Variants in SLC35F4 observed in about 807,000 individuals in gnomAD.
The protein encoded by SLC35F4 is chromosome 14 open reading frame 36.
A neutral mutation model predicts 44.2 loss-of-function variants in SLC35F4; 24 were observed. That is an observed-to-expected ratio of 0.54 (90% confidence interval 0.39 to 0.76). The LOEUF (loss-of-function observed/expected upper bound fraction) is 0.76, where lower values mean the gene tolerates loss of function less well. SLC35F4 is among the 30% of genes least tolerant of loss of function. SLC35F4 has a pLI of 0.00. For missense variants in SLC35F4, 562 were observed against 586.1 expected, an observed-to-expected ratio of 0.96 and a Z score of 0.42; for synonymous variants, 238 against 223.6, an observed-to-expected ratio of 1.06 and a Z score of -0.57.
intron 1 of SLC35F4, chr14:57,596,561 T>G: frequency 2.6e-6 from 1 of 378,096 alleles, no homozygotes; most frequent in Non-Finnish European, 5.2e-6. Context: ...AGGGTAATAT[T>G]GGGTTTCATT....
chr14:57,683,857 A>C (rs756255484), intron 1 of SLC35F4, among the ~76,000 whole-genome samples: 1 of 151,768 alleles, frequency 6.6e-6, no homozygotes, highest in Non-Finnish European at 1.5e-5. Flanking sequence ...CCCAAGCCCA[A>C]CTCCTCTGGG....
chr14:57,839,597 C>T (rs1737976330), intron 1 of SLC35F4, among the ~76,000 whole-genome samples: 1 of 151,956 alleles, frequency 6.6e-6, no homozygotes, highest in South Asian at 2.1e-4. Flanking sequence ...GGGGCCTTTT[C>T]AGGGAGGCGG....
chr14:57,662,086 C>T (rs935177245), intron 1 of SLC35F4, among the ~76,000 whole-genome samples: 5 of 152,274 alleles, frequency 3.3e-5, no homozygotes, highest in Non-Finnish European at 7.4e-5. Context: ...ACTGTGTTTC[C>T]GGATTTTGCT....
At chr14:57,605,939 G>A (rs114114323) in intron 1 of SLC35F4, among the ~76,000 whole-genome samples, 14 of 152,056 alleles carry the variant, frequency 9.2e-5, no homozygotes, top group Non-Finnish European at 8.8e-5. Flanking sequence ...AAATGGGAAC[G>A]ATAAACACTG....
intron 1 of SLC35F4, among the ~76,000 whole-genome samples, chr14:57,909,290 A>G (rs1175433967): frequency 6.6e-6 from 1 of 152,146 alleles, no homozygotes; most frequent in Non-Finnish European, 1.5e-5. Context: ...ATATTTTTAT[A>G]CAAAATCCAT....
chr14:57,776,472 CT>C (rs2077489992), intron 1 of SLC35F4, among the ~76,000 whole-genome samples: 1 of 152,036 alleles, frequency 6.6e-6, no homozygotes, highest in African/African-American at 2.4e-5. Context: ...CAAGACCATC[CT>C]GGTTAACATG....
chr14:57,918,696 C>T (rs1447959940), intron 1 of SLC35F4, among the ~76,000 whole-genome samples: 1 of 152,158 alleles, frequency 6.6e-6, no homozygotes, highest in Non-Finnish European at 1.5e-5. Context: ...GAATTGGGAC[C>T]TTGACCCACA....
At chr14:57,714,632 C>G (rs555064682) in intron 1 of SLC35F4, among the ~76,000 whole-genome samples, 1 of 152,052 alleles carries the variant, frequency 6.6e-6, no homozygotes, top group African/African-American at 2.4e-5. Flanking sequence ...ACTCATTCAG[C>G]AAATACCTAC....
intron 1 of SLC35F4, among the ~76,000 whole-genome samples, chr14:57,830,653 C>G (rs1445886846): frequency 6.6e-6 from 1 of 152,156 alleles, no homozygotes; most frequent in Non-Finnish European, 1.5e-5. Context: ...TGGCTCTGCT[C>G]AGATCTCAGT....
chr14:57,832,703 T>G (rs905369391), intron 1 of SLC35F4, among the ~76,000 whole-genome samples: 1 of 152,206 alleles, frequency 6.6e-6, no homozygotes, highest in African/African-American at 2.4e-5. Context: ...CCAACTCCAA[T>G]TTTTGCATGT....
At chr14:57,591,826 G>A (rs1281208325) in intron 2 of SLC35F4, among the ~76,000 whole-genome samples, 1 of 152,214 alleles carries the variant, frequency 6.6e-6, no homozygotes, top group Non-Finnish European at 1.5e-5. Context: ...ATGATTCCCA[G>A]GGACTACCTT....
chr14:57,759,216 T>A (rs1033935468), intron 1 of SLC35F4, among the ~76,000 whole-genome samples: 1 of 152,190 alleles, frequency 6.6e-6, no homozygotes, highest in African/African-American at 2.4e-5. Context: ...TTCTTTGATA[T>A]CCTTATTTCA....
intron 1 of SLC35F4, among the ~76,000 whole-genome samples, chr14:57,764,702 T>A (rs1432891249): frequency 6.6e-6 from 1 of 152,208 alleles, no homozygotes; most frequent in African/African-American, 2.4e-5. Flanking sequence ...GAATTGTATG[T>A]GTGTGTAGCA....
At chr14:57,669,419 A>G (rs1357639904) in intron 1 of SLC35F4, among the ~76,000 whole-genome samples, 1 of 152,052 alleles carries the variant, frequency 6.6e-6, no homozygotes, top group Non-Finnish European at 1.5e-5. Flanking sequence ...AGTTTTGAAA[A>G]GGAATGCTTC....
chr14:57,787,971 C>A (rs2077810283), intron 1 of SLC35F4, among the ~76,000 whole-genome samples: 1 of 152,090 alleles, frequency 6.6e-6, no homozygotes, highest in Admixed American at 6.5e-5. Context: ...TTAAAAGATA[C>A]AGAACTGCAG....
At chr14:57,870,252 CTCTCTG>C (rs202143058), upstream of SLC35F4, among the ~76,000 whole-genome samples, 5,275 of 151,734 alleles carry the variant, frequency 0.035, 316 homozygotes, top group African/African-American at 0.12. Context: ...CTGTATGTTT[CTCTCTG>C]TCTCTGTCTT....
At chr14:57,578,439 T>A (rs1465451100) in intron 4 of SLC35F4, among the ~76,000 whole-genome samples, 1 of 148,608 alleles carries the variant, frequency 6.7e-6, no homozygotes, top group Non-Finnish European at 1.5e-5. Flanking sequence ...AGAGCTACAT[T>A]TATGTTGTCA....
At chr14:57,682,696 A>C (rs556221347) in intron 1 of SLC35F4, among the ~76,000 whole-genome samples, 1 of 152,196 alleles carries the variant, frequency 6.6e-6, no homozygotes, top group African/African-American at 2.4e-5. Flanking sequence ...GAAATTTTAA[A>C]TTATAATACC....
intron 1 of SLC35F4, among the ~76,000 whole-genome samples, chr14:57,686,111 C>T (rs2075060055): frequency 6.6e-6 from 1 of 152,050 alleles, no homozygotes; most frequent in African/African-American, 2.4e-5. Flanking sequence ...ACCTGAGTTC[C>T]AAATACATAA....
Sources: gnomAD v4.1 joint callset for allele counts (sites outside exome capture counted in the v4.1 genomes callset) on GRCh38, gnomAD v4.1.1 for gene constraint, MANE v1.5 for transcripts, NCBI Gene and HGNC (gene_info 2026-07-23, HGNC 2026-07-21) for gene names.